Variants in C1orf87 observed in about 807,000 individuals in gnomAD.
The protein encoded by C1orf87 is uncharacterized protein C1orf87.
In C1orf87, 58 loss-of-function variants were observed where a neutral mutation model predicts 60.5. The observed-to-expected ratio is 0.96, with a 90% confidence interval of 0.78 to 1.19. C1orf87 has a LOEUF of 1.19. C1orf87 is among the 50% of genes most tolerant of loss of function. The pLI is 0.00. For missense variants in C1orf87, 673 were observed against 638.6 expected (o/e 1.05, Z -0.58); for synonymous variants, 236 against 227.4 (o/e 1.04, Z -0.34).
At chr1:60,051,635 G>C (rs886818978) in intron 3 of C1orf87, among the ~76,000 whole-genome samples, 6 of 152,176 alleles carry the variant, frequency 3.9e-5, no homozygotes, top group Non-Finnish European at 2.9e-5. Flanking sequence ...CCACTGAGTT[G>C]TGGGGTGATT....
chr1:60,044,538 C>T (rs1399709569), intron 3 of C1orf87, among the ~76,000 whole-genome samples: 3 of 152,142 alleles, frequency 2.0e-5, no homozygotes, highest in Admixed American at 6.5e-5. Context: ...GCTGACACCC[C>T]CCCACATCAA....
At chr1:60,030,329 C>A (rs1318008564) in intron 7 of C1orf87, among the ~76,000 whole-genome samples, 3 of 152,172 alleles carry the variant, frequency 2.0e-5, no homozygotes, top group Non-Finnish European at 4.4e-5. Context: ...GGCAGAGCTT[C>A]CAGTTATAGA....
At chr1:60,043,975 G>T (rs1308994111) in intron 3 of C1orf87, among the ~76,000 whole-genome samples, 1 of 152,146 alleles carries the variant, frequency 6.6e-6, no homozygotes, top group African/African-American at 2.4e-5. Flanking sequence ...TGTGACTCCT[G>T]TCCTCATAGT....
intron 3 of C1orf87, among the ~76,000 whole-genome samples, chr1:60,053,190 G>A (rs1322415724): frequency 6.6e-6 from 1 of 152,172 alleles, no homozygotes. Context: ...CTATATATAA[G>A]AGAAAAACTA....
intron 8 of C1orf87, among the ~76,000 whole-genome samples, chr1:60,018,443 T>C (rs1376782935): frequency 6.6e-6 from 1 of 152,136 alleles, no homozygotes; most frequent in Non-Finnish European, 1.5e-5. Flanking sequence ...GGATAGTAAG[T>C]AGCCTAACAC....
chr1:60,028,845 T>G (rs1331446882), intron 7 of C1orf87, among the ~76,000 whole-genome samples: 1 of 152,154 alleles, frequency 6.6e-6, no homozygotes, highest in Non-Finnish European at 1.5e-5. Context: ...TTTTGCTTTT[T>G]TTTTTTCCAC....
At chr1:60,013,599 G>A (rs909135417) in intron 8 of C1orf87, among the ~76,000 whole-genome samples, 5 of 151,108 alleles carry the variant, frequency 3.3e-5, no homozygotes, top group African/African-American at 1.2e-4. Context: ...TTTTCTTAGA[G>A]TAGATTAATT....
At chr1:59,992,656 C>T (rs1290559309) in intron 11 of C1orf87, among the ~76,000 whole-genome samples, 1 of 152,188 alleles carries the variant, frequency 6.6e-6, no homozygotes, top group African/African-American at 2.4e-5. Context: ...AAAGCCACTA[C>T]TAGTCCATTA....
At chr1:60,062,701 C>A (rs571673081) in intron 2 of C1orf87, among the ~76,000 whole-genome samples, 9 of 152,030 alleles carry the variant, frequency 5.9e-5, no homozygotes, top group African/African-American at 1.4e-4. Flanking sequence ...TTTGGAAAAG[C>A]CTTTATGCAT....
intron 6 of C1orf87, among the ~76,000 whole-genome samples, chr1:60,036,920 G>C (rs1351733942): frequency 2.6e-5 from 4 of 151,918 alleles, no homozygotes; most frequent in African/African-American, 7.3e-5. Context: ...ACATCTTTTT[G>C]GAATCACACT....
At chr1:60,054,689 T>A (rs12742425) in intron 3 of C1orf87, among the ~76,000 whole-genome samples, 19,395 of 152,258 alleles carry the variant, frequency 0.13, 1,584 homozygotes, top group East Asian at 0.27. Flanking sequence ...ACTAATCATA[T>A]AGATTCATCA....
At chr1:60,016,370 G>T (rs890676202) in intron 8 of C1orf87, among the ~76,000 whole-genome samples, 1 of 152,024 alleles carries the variant, frequency 6.6e-6, no homozygotes, top group Non-Finnish European at 1.5e-5. Flanking sequence ...CAAGTCAAGG[G>T]GTTATTTTGA....
chr1:60,035,694 T>C (rs17501484), intron 6 of C1orf87, among the ~76,000 whole-genome samples: 1,968 of 152,344 alleles, frequency 0.013, 21 homozygotes, highest in Non-Finnish European at 0.02. Flanking sequence ...CAGATATTCA[T>C]GTATCCCTGA....
intron 2 of C1orf87, among the ~76,000 whole-genome samples, chr1:60,061,418 G>A (rs1467448616): frequency 6.6e-6 from 1 of 151,806 alleles, no homozygotes; most frequent in Non-Finnish European, 1.5e-5. Context: ...ACCTTTACAG[G>A]CCAATACTTC....
At chr1:60,027,956 C>T (rs1645211608) in intron 7 of C1orf87, among the ~76,000 whole-genome samples, 1 of 152,132 alleles carries the variant, frequency 6.6e-6, no homozygotes, top group African/African-American at 2.4e-5. Flanking sequence ...TGGTGGCTTA[C>T]TCAGGGCTGG....
chr1:60,046,905 ATAG>A (rs1210379962), intron 3 of C1orf87, among the ~76,000 whole-genome samples: 1 of 152,234 alleles, frequency 6.6e-6, no homozygotes, highest in African/African-American at 2.4e-5. Flanking sequence ...TTCTTGTAAA[ATAG>A]TAGTTAAATC....
At position 59,991,419 on chromosome 1, in the gene C1orf87, T is replaced by C. The variant is rs149453826; in HGVS notation, c.1481-586A>G. On this transcript the variant is annotated intron_variant, in intron 11 of 11. Coordinates refer to ENST00000371201, the MANE Select transcript of C1orf87 (RefSeq NM_152377.3). Reference sequence around the variant, plus strand: ...CATGTAACCTATACACATTCTCCCATGTACTTTAAACCATCTCTAGATTAC... The same window carrying C: ...CATGTAACCTATACACATTCTCCCACGTACTTTAAACCATCTCTAGATTAC... Among the ~76,000 whole-genome samples the C allele has an allele frequency of 2.6e-3, 398 of 152,342 alleles. 3 individuals are homozygous for C. Among genetic ancestry groups the C allele is most frequent in the African/African-American group, 9.1e-3 (380 of 41,588 alleles).
rs199759307 is a variant in C1orf87, at chr1:60,047,230, G to GT, written c.343-6100dup. 2.0e-4 allele frequency among the ~76,000 whole-genome samples: 31 copies of GT among 151,596 alleles called. No homozygotes were observed. The East Asian group carries it at 2.7e-3, about 13-fold the overall frequency. ...TAAATGCTTGGTTGTTTTATTTACT[G>GT]TTTTTTTTCAAATAAATAGTTTGTT... On this transcript the variant is annotated intron_variant, in intron 3 of 11. Coordinates refer to ENST00000371201, the MANE Select transcript of C1orf87 (RefSeq NM_152377.3).
At chr1:60,001,228 A>C in intron 9 of C1orf87, 72 bp from the exon 10 acceptor site, 1 of 1,049,280 alleles carries the variant, frequency 9.5e-7, no homozygotes, top group South Asian at 1.9e-5. Context: ...CATATACACA[A>C]GGCAACAACA....
Sources: gnomAD v4.1 joint callset for allele counts (sites outside exome capture counted in the v4.1 genomes callset) on GRCh38, gnomAD v4.1.1 for gene constraint, MANE v1.5 for transcripts, NCBI Gene and HGNC (gene_info 2026-07-23, HGNC 2026-07-21) for gene names.